HUWE1: variants seen among roughly 807,000 people sequenced by gnomAD.
The protein encoded by HUWE1 is HECT, UBA and WWE domain containing E3 ubiquitin protein ligase 1.
HUWE1 carries 18 observed loss-of-function variants against 299.4 expected under a neutral mutation model. The observed-to-expected ratio is 0.06, with a 90% CI of 0.04 to 0.09. The LOEUF (loss-of-function observed/expected upper bound fraction) is 0.09, where lower values mean the gene tolerates loss of function less well. Among genes scored for constraint, HUWE1 ranks in the 10% least tolerant of loss-of-function variants. The pLI is 1.00. For synonymous variants in HUWE1, 1,317 were observed against 1,286.1 expected (o/e 1.02, Z -0.51); for missense variants, 1,832 against 3,462.3 (o/e 0.53, Z 11.82).
intron 19 of HUWE1, 121 bp downstream of exon 19, chrX:53,624,474 G>A (rs2066355148): frequency 9.1e-6 from 5 of 549,240 alleles, no homozygotes; most frequent in Non-Finnish European, 1.6e-5. Flanking sequence ...TCCAGCCTGG[G>A]CAATAGAGTG....
chrX:53,628,771 G>A lies in HUWE1; in HGVS notation c.1095C>T (p.Asn365=). 2 of 1,211,761 alleles carry A rather than the reference G, an allele frequency of 1.7e-6. No individual in the cohort carries two copies. The highest frequency in any genetic ancestry group is 3.5e-5 in the African/African-American group (2 of 57,866). Residue 365 remains asparagine, a synonymous_variant, in exon 14 of 84, where the codon AAC becomes AAT. Transcript: ENST00000262854. ...ACTTACCAATCATGGCCTGGATACAGTTCCTTACAAGCACTGGCAAAAATC... is the reference window on the plus strand; with the variant it reads ...ACTTACCAATCATGGCCTGGATACAATTCCTTACAAGCACTGGCAAAAATC... ...YHGFLPVLVR[N]CIQAMIDPSM...
At chrX:53,679,771 A>C (rs1375471194) in intron 3 of HUWE1, among the ~76,000 whole-genome samples, 1 of 112,690 alleles carries the variant, frequency 8.9e-6, no homozygotes, top group South Asian at 3.6e-4. Context: ...CGTAACTTTA[A>C]TAAGAACTGG....
chrX:53,608,480 T>C (rs1208170354), intron 24 of HUWE1, among the ~76,000 whole-genome samples: 1 of 112,207 alleles, frequency 8.9e-6, no homozygotes, highest in African/African-American at 3.2e-5. Flanking sequence ...AGGCTGAAAA[T>C]GCTCCAGTGA....
intron 6 of HUWE1, 71 bp downstream of exon 6, chrX:53,647,297 G>C: frequency 2.7e-6 from 2 of 731,753 alleles, no homozygotes; most frequent in East Asian, 3.2e-5. Flanking sequence ...AATAGAAATA[G>C]CAATTTCCTT....
chrX:53,604,364 C>T (rs1392116126), intron 26 of HUWE1, among the ~76,000 whole-genome samples: 9 of 111,761 alleles, frequency 8.1e-5, no homozygotes, highest in African/African-American at 2.9e-4. Context: ...TGATGTTTGT[C>T]TGTAATAACA....
In HUWE1 at chrX:53,586,579, A is replaced by T; in HGVS notation, c.4743-8T>A. 8.4e-7 allele frequency: 1 copy of T among 1,185,514 alleles called. No homozygotes were observed. The highest frequency in any genetic ancestry group is 3.0e-5 in the East Asian group (1 of 33,689). ...AACACTGGTGTGATCCACCTAAAAA[A>T]GAAAAATGATCTGTTTTGGGAAAGC... is the stretch of plus-strand genomic sequence containing the variant. On this transcript the variant is annotated splice_region_variant and splice_polypyrimidine_tract_variant and intron_variant, in intron 38 of 83. Coordinates refer to ENST00000262854, the MANE Select transcript of HUWE1 (RefSeq NM_031407.7).
chrX:53,645,469 G>A lies in HUWE1; in HGVS notation c.352-6C>T, dbSNP rs1246115553. 1 of 1,209,344 alleles carries A rather than the reference G, an allele frequency of 8.3e-7. No homozygotes were observed. The highest frequency in any genetic ancestry group is 1.1e-6 in the Non-Finnish European group (1 of 894,402). ...GCCAATAAAGTTGTCAAATGCTAAA[G>A]GGACAAAAAAGGGCAAAGCTCAAGG... On this transcript the variant is annotated splice_region_variant and splice_polypyrimidine_tract_variant and intron_variant, in intron 6 of 83. Transcript: ENST00000262854.
chrX:53,573,726 T>C, intron 47 of HUWE1, 24 bp downstream of exon 47: 1 of 1,141,968 alleles, frequency 8.8e-7, no homozygotes, highest in Non-Finnish European at 1.2e-6. Flanking sequence ...GTGTAACATC[T>C]TAAATAGAAG....
At chrX:53,656,014 T>TC (rs2068725413) in intron 3 of HUWE1, among the ~76,000 whole-genome samples, 1 of 111,135 alleles carries the variant, frequency 9.0e-6, no homozygotes, top group Non-Finnish European at 1.9e-5. Flanking sequence ...TTTAAAAGCC[T>TC]CCCAGAGGAT....
chrX:53,593,028 C>T (rs1369506342), intron 32 of HUWE1, among the ~76,000 whole-genome samples: 2 of 112,079 alleles, frequency 1.8e-5, no homozygotes, highest in African/African-American at 6.5e-5. Context: ...CTGAGGCCTC[C>T]CTAGAAGCCC....
intron 3 of HUWE1, among the ~76,000 whole-genome samples, chrX:53,666,449 A>G (rs1482704385): frequency 9.0e-6 from 1 of 111,648 alleles, no homozygotes; most frequent in African/African-American, 3.3e-5. Context: ...GCTTTTTTCT[A>G]TTTTTGTATA....
chrX:53,664,354 A>C, intron 3 of HUWE1, among the ~76,000 whole-genome samples: 1 of 112,346 alleles, frequency 8.9e-6, no homozygotes, highest in Non-Finnish European at 1.9e-5. Context: ...TGCCAGGCCT[A>C]AAATTTTCCT....
In HUWE1 at chrX:53,552,618, T is replaced by C; in HGVS notation, c.8750+20A>G. The C allele has an allele frequency of 8.3e-7, 1 of 1,211,928 alleles. No individual in the cohort carries two copies. Among genetic ancestry groups the C allele is most frequent in the Non-Finnish European group, 1.1e-6 (1 of 895,466 alleles). On this transcript the variant is annotated intron_variant, in intron 62 of 83. Coordinates refer to ENST00000262854, the MANE Select transcript of HUWE1 (RefSeq NM_031407.7). Reference sequence around the variant, plus strand: ...GACCCTCCAATATATCCTACCCTTCTTTTGCCCACACATGCTTACCTGTCC... The same window carrying C: ...GACCCTCCAATATATCCTACCCTTCCTTTGCCCACACATGCTTACCTGTCC...
chrX:53,632,194 A>G, intron 9 of HUWE1: 1 of 351,966 alleles, frequency 2.8e-6, no homozygotes, highest in South Asian at 3.4e-5. Flanking sequence ...CATCCAAACT[A>G]CTATACTACA....
chrX:53,684,435 G>T lies in HUWE1; in HGVS notation c.-163+1835C>A, dbSNP rs782687338. Among the ~76,000 whole-genome samples the T allele has an allele frequency of 1.4e-3, 155 of 112,315 alleles. 5 individuals carry two copies. Among genetic ancestry groups the T allele is most frequent in the Admixed American group, 2.5e-3 (27 of 10,683 alleles). On this transcript the variant is annotated intron_variant, in intron 2 of 83. Transcript: ENST00000262854. ...ACCACGAGGTTTCCGACCCACTGCG[G>T]AGCTGGCTGCCAAACCTCGCGATGA...
chrX:53,654,193 C>G (rs1359197203), intron 3 of HUWE1, 62 bp from the exon 4 acceptor site: 6 of 689,651 alleles, frequency 8.7e-6, no homozygotes, highest in Admixed American at 7.9e-5. Context: ...GCTCTACAAG[C>G]TTGGACACAG....
At chrX:53,535,550 G>A in intron 80 of HUWE1, 49 bp from the exon 81 acceptor site, 1 of 832,714 alleles carries the variant, frequency 1.2e-6, no homozygotes. Flanking sequence ...CATCTAGGAT[G>A]GGATTAGATA....
intron 3 of HUWE1, among the ~76,000 whole-genome samples, chrX:53,673,282 C>T (rs1183431255): frequency 5.4e-5 from 6 of 111,389 alleles, no homozygotes; most frequent in Non-Finnish European, 1.1e-4. Flanking sequence ...AAAGTATCTC[C>T]TGTTTACCTA....
intron 8 of HUWE1, 93 bp downstream of exon 8, chrX:53,634,143 G>A (rs1267596402): frequency 8.6e-6 from 6 of 699,901 alleles, no homozygotes; most frequent in East Asian, 3.3e-5. Context: ...ATGTGAAGGC[G>A]TCACTTCATA....
Sources: allele counts gnomAD v4.1 joint callset (sites outside exome capture counted in the v4.1 genomes callset), GRCh38; gene constraint gnomAD v4.1.1; transcripts MANE v1.5; gene names NCBI Gene and HGNC (gene_info 2026-07-23, HGNC 2026-07-21).